The following RBPJ variants were observed in gnomAD, a reference collection of about 807,000 sequenced individuals.
The protein encoded by RBPJ is recombination signal binding protein for immunoglobulin kappa J region.
In RBPJ, 9 loss-of-function variants were observed where a neutral mutation model predicts 67.8. That is an observed-to-expected ratio of 0.13 (90% confidence interval 0.08 to 0.23). The LOEUF (loss-of-function observed/expected upper bound fraction) is 0.23, where lower values mean the gene tolerates loss of function less well. Ranked by LOEUF, RBPJ falls within the 10% of genes least tolerant of loss-of-function variation. The pLI is 1.00. For missense variants in RBPJ, 305 were observed against 595.6 expected (o/e 0.51, Z 5.08); for synonymous variants, 198 against 203.3 (o/e 0.97, Z 0.22).
intron 1 of RBPJ, among the ~76,000 whole-genome samples, chr4:26,207,540 GAGA>G (rs1718212315): frequency 6.6e-6 from 1 of 152,110 alleles, no homozygotes; most frequent in African/African-American, 2.4e-5. Context: ...TTCTAGTTTG[GAGA>G]ACATGTGAGC....
At chr4:26,256,836 C>G (rs1369040113) in intron 1 of RBPJ, among the ~76,000 whole-genome samples, 1 of 152,180 alleles carries the variant, frequency 6.6e-6, no homozygotes, top group Non-Finnish European at 1.5e-5. Flanking sequence ...AACAATGAAG[C>G]GAAACTCAGA....
At chr4:26,377,867 A>C (rs1415580889) in intron 1 of RBPJ, among the ~76,000 whole-genome samples, 1 of 152,210 alleles carries the variant, frequency 6.6e-6, no homozygotes, top group East Asian at 1.9e-4. Context: ...GCCAAACTTA[A>C]TTGGTAAGAC....
chr4:26,337,210 G>A (rs373724092), intron 1 of RBPJ, among the ~76,000 whole-genome samples: 1 of 150,276 alleles, frequency 6.7e-6, no homozygotes, highest in South Asian at 2.1e-4. Context: ...ACTTCAGGTC[G>A]TCCTCCTGCC....
intron 1 of RBPJ, among the ~76,000 whole-genome samples, chr4:26,278,592 G>T (rs564151356): frequency 2.0e-5 from 3 of 152,256 alleles, no homozygotes; most frequent in African/African-American, 7.2e-5. Context: ...ACACCTATAG[G>T]ATTATGAAAT....
intron 1 of RBPJ, among the ~76,000 whole-genome samples, chr4:26,211,737 T>C (rs1718429722): frequency 1.3e-5 from 2 of 152,134 alleles, no homozygotes; most frequent in Non-Finnish European, 2.9e-5. Context: ...CTACCTGTTA[T>C]AGGTTAAATT....
chr4:26,252,191 T>C (rs1720138031), intron 1 of RBPJ, among the ~76,000 whole-genome samples: 1 of 152,058 alleles, frequency 6.6e-6, no homozygotes, highest in Non-Finnish European at 1.5e-5. Context: ...ATGATGTACA[T>C]TTTGTACCCA....
chr4:26,253,160 C>T (rs969065212), intron 1 of RBPJ, among the ~76,000 whole-genome samples: 5 of 152,118 alleles, frequency 3.3e-5, no homozygotes, highest in African/African-American at 1.2e-4. Flanking sequence ...TATCCTAAAC[C>T]GGGTAACCCG....
intron 1 of RBPJ, among the ~76,000 whole-genome samples, chr4:26,311,924 C>T (rs1221101112): frequency 6.6e-6 from 1 of 151,818 alleles, no homozygotes; most frequent in Non-Finnish European, 1.5e-5. Flanking sequence ...GAGCAAGATC[C>T]TGTCTTAAAA....
the RBPJ span, among the ~76,000 whole-genome samples, chr4:26,147,341 T>A: frequency 6.6e-6 from 1 of 152,240 alleles, no homozygotes; most frequent in African/African-American, 2.4e-5. Flanking sequence ...ACTGATGCCC[T>A]GTTGCTGACA....
intron 1 of RBPJ, among the ~76,000 whole-genome samples, chr4:26,202,969 AT>A (rs1718035722): frequency 4.8e-4 from 20 of 41,348 alleles, no homozygotes; most frequent in South Asian, 1.0e-3. Context: ...AAGGAAGGAA[AT>A]AAGGAAGGAA....
intron 5 of RBPJ, among the ~76,000 whole-genome samples, chr4:26,422,723 T>A (rs1017467166): frequency 2.0e-5 from 3 of 152,200 alleles, no homozygotes; most frequent in Non-Finnish European, 2.9e-5. Context: ...TAGACAGAGT[T>A]GCACCATACA....
chr4:26,360,223 T>G (rs953400383), intron 1 of RBPJ, among the ~76,000 whole-genome samples: 2 of 152,202 alleles, frequency 1.3e-5, no homozygotes, highest in African/African-American at 2.4e-5. Flanking sequence ...TCATTTTAGA[T>G]TCTTAATATC....
intron 1 of RBPJ, among the ~76,000 whole-genome samples, chr4:26,332,658 A>C (rs1451212916): frequency 1.3e-5 from 2 of 152,024 alleles, no homozygotes; most frequent in Non-Finnish European, 2.9e-5. Flanking sequence ...GAAGTTATTT[A>C]TTTACTTCTT....
intron 1 of RBPJ, among the ~76,000 whole-genome samples, chr4:26,234,915 A>T (rs1719407575): frequency 6.6e-6 from 1 of 151,430 alleles, no homozygotes; most frequent in Non-Finnish European, 1.5e-5. Flanking sequence ...CTGGTTTCGA[A>T]CTCCTGACCT....
chr4:26,257,545 C>G (rs1720381557), intron 1 of RBPJ, among the ~76,000 whole-genome samples: 1 of 152,204 alleles, frequency 6.6e-6, no homozygotes, highest in Admixed American at 6.5e-5. Context: ...AGGAGAATCA[C>G]TTGAACCTGG....
chr4:26,172,070 C>G (rs1467102156), intron 1 of RBPJ, among the ~76,000 whole-genome samples: 1 of 152,208 alleles, frequency 6.6e-6, no homozygotes, highest in Non-Finnish European at 1.5e-5. Flanking sequence ...GGCTGGAAAT[C>G]CACATCGTCA....
chr4:26,116,932 G>A, the RBPJ span, among the ~76,000 whole-genome samples: 2 of 152,182 alleles, frequency 1.3e-5, no homozygotes, highest in Non-Finnish European at 2.9e-5. Flanking sequence ...TGAGATGCAC[G>A]GGAACCTTTG....
chr4:26,161,205 C>T (rs1716070071), upstream of RBPJ, among the ~76,000 whole-genome samples: 2 of 152,318 alleles, frequency 1.3e-5, no homozygotes, highest in South Asian at 2.1e-4. Context: ...TGTGATCAAG[C>T]TTGGGGTCGT....
intron 1 of RBPJ, among the ~76,000 whole-genome samples, chr4:26,190,814 G>T (rs1402032347): frequency 1.3e-5 from 2 of 152,006 alleles, no homozygotes; most frequent in East Asian, 3.9e-4. Context: ...TTGGGGTTTT[G>T]CAGATCAGTT....
Sources: allele counts gnomAD v4.1 joint callset (sites outside exome capture counted in the v4.1 genomes callset), GRCh38; gene constraint gnomAD v4.1.1; transcripts MANE v1.5; gene names NCBI Gene and HGNC (gene_info 2026-07-23, HGNC 2026-07-21).